Variants in MAP4K4 observed in about 807,000 individuals in gnomAD.
MAP4K4 encodes HPK/GCK-like kinase HGK.
Under a neutral mutation model 189.6 loss-of-function variants are expected in MAP4K4, and 38 were observed. That is an observed-to-expected ratio of 0.20 (90% CI 0.15 to 0.26). The LOEUF (loss-of-function observed/expected upper bound fraction) is 0.26. Among genes scored for constraint, MAP4K4 ranks in the 10% least tolerant of loss-of-function variants. MAP4K4 has a pLI of 1.00. For missense variants in MAP4K4, 1,054 were observed against 1,726.9 expected, an observed-to-expected ratio of 0.61 and a Z score of 6.91; for synonymous variants, 610 against 624.3, an observed-to-expected ratio of 0.98 and a Z score of 0.34.
intron 2 of MAP4K4, among the ~76,000 whole-genome samples, chr2:101,777,449 G>T (rs2084846208): frequency 6.6e-6 from 1 of 152,196 alleles, no homozygotes; most frequent in Non-Finnish European, 1.5e-5. Context: ...CACCTTCGGT[G>T]CCGGCTCATG....
intron 2 of MAP4K4, among the ~76,000 whole-genome samples, chr2:101,775,781 C>T (rs140317649): frequency 1.1e-3 from 163 of 152,306 alleles, no homozygotes; most frequent in Middle Eastern, 0.01. Context: ...CTCAGTGCCC[C>T]GTTCACGCTC....
chr2:101,776,539 A>G (rs536416619), intron 2 of MAP4K4, among the ~76,000 whole-genome samples: 1 of 151,196 alleles, frequency 6.6e-6, no homozygotes, highest in East Asian at 1.9e-4. Flanking sequence ...AATTTTTGGA[A>G]TGTTCAATTA....
At chr2:101,846,190 G>A (rs150956590) in intron 12 of MAP4K4, among the ~76,000 whole-genome samples, 37 of 152,308 alleles carry the variant, frequency 2.4e-4, no homozygotes, top group Non-Finnish European at 5.0e-4. Flanking sequence ...CAAATTCCTT[G>A]TGGTATTTTT....
intron 2 of MAP4K4, among the ~76,000 whole-genome samples, chr2:101,748,874 CAGAG>C (rs1458483249): frequency 2.1e-5 from 3 of 144,942 alleles, no homozygotes; most frequent in Middle Eastern, 3.4e-3. Flanking sequence ...AACAGACAAA[CAGAG>C]AGCCAAATCA....
intron 3 of MAP4K4, among the ~76,000 whole-genome samples, chr2:101,807,667 C>T (rs1310242109): frequency 6.6e-6 from 1 of 152,062 alleles, no homozygotes; most frequent in Non-Finnish European, 1.5e-5. Flanking sequence ...ATAGTGGCTT[C>T]TGCTTTTGGA....
At chr2:101,736,482 C>T (rs1272956946) in intron 2 of MAP4K4, among the ~76,000 whole-genome samples, 2 of 152,192 alleles carry the variant, frequency 1.3e-5, no homozygotes, top group Non-Finnish European at 2.9e-5. Context: ...GCACTTGGCA[C>T]AGTTGTGTTT....
intron 3 of MAP4K4, among the ~76,000 whole-genome samples, chr2:101,816,681 G>A (rs1265153141): frequency 1.3e-5 from 2 of 152,140 alleles, no homozygotes; most frequent in East Asian, 3.9e-4. Context: ...GGAAAGAGCC[G>A]ATACTAAGAA....
intron 18 of MAP4K4, 26 bp from the exon 19 acceptor site, chr2:101,866,402 T>C (rs375203490): frequency 7.5e-6 from 12 of 1,594,916 alleles, no homozygotes; most frequent in Non-Finnish European, 1.0e-5. Context: ...ACACATTAGC[T>C]GTTCTCTCTT....
intron 2 of MAP4K4, among the ~76,000 whole-genome samples, chr2:101,744,216 A>C (rs2064117527): frequency 6.6e-6 from 1 of 152,228 alleles, no homozygotes; most frequent in Non-Finnish European, 1.5e-5. Flanking sequence ...AAAAACCTAA[A>C]AAGAGAGGCG....
At chr2:101,871,313 T>A (rs1357857343) in intron 23 of MAP4K4, among the ~76,000 whole-genome samples, 181 bp from the exon 24 acceptor site, 1 of 152,218 alleles carries the variant, frequency 6.6e-6, no homozygotes, top group Non-Finnish European at 1.5e-5. Context: ...CTTTGAATTC[T>A]GTTGGCACAA....
intron 16 of MAP4K4, among the ~76,000 whole-genome samples, chr2:101,862,764 A>G (rs1259756913): frequency 2.0e-5 from 3 of 152,198 alleles, no homozygotes; most frequent in Admixed American, 1.3e-4. Flanking sequence ...ATCTCTGAAA[A>G]TCTTAAACAT....
At position 101,843,949 on chromosome 2, in the gene MAP4K4, T is replaced by C. The variant is rs147408564; in HGVS notation, c.1023-152T>C. 8.0e-3 allele frequency among the ~76,000 whole-genome samples: 1,225 copies of C among 152,314 alleles called. 2 individuals are homozygous for C. The highest frequency in any genetic ancestry group is 0.012 in the Non-Finnish European group (836 of 68,012). ...ATATGGGACTATTGAATTGTAGATA[T>C]AGTCATTTCTGTGGATGTATTAGTT... On this transcript the variant is annotated intron_variant, in intron 11 of 32. Transcript: ENST00000324219.
At chr2:101,769,512 G>A (rs544170763) in intron 2 of MAP4K4, among the ~76,000 whole-genome samples, 1 of 152,216 alleles carries the variant, frequency 6.6e-6, no homozygotes, top group South Asian at 2.1e-4. Context: ...TATTTGAAGT[G>A]AATTCAATTC....
At chr2:101,785,700 C>CCTTTTTTGAGTTGGAG (rs2090481957) in intron 2 of MAP4K4, among the ~76,000 whole-genome samples, 1 of 5,286 alleles carries the variant, frequency 1.9e-4, no homozygotes, top group Admixed American at 1.8e-3. Context: ...CTCTCTCTCT[C>CCTTTTTTGAGTTGGAG]TCTCTCTCTC....
intron 24 of MAP4K4, among the ~76,000 whole-genome samples, chr2:101,872,583 A>AG (rs2098075863): frequency 6.6e-6 from 1 of 152,198 alleles, no homozygotes; most frequent in Non-Finnish European, 1.5e-5. Flanking sequence ...AGAAAGAATC[A>AG]GAAAAATCCT....
intron 3 of MAP4K4, among the ~76,000 whole-genome samples, chr2:101,815,810 C>T (rs1042725338): frequency 7.9e-5 from 12 of 152,150 alleles, no homozygotes; most frequent in Admixed American, 3.3e-4. Flanking sequence ...ATCTAGCCAA[C>T]GGCAGGAGGC....
intron 3 of MAP4K4, among the ~76,000 whole-genome samples, chr2:101,801,188 T>A (rs1162459275): frequency 6.6e-6 from 1 of 152,176 alleles, no homozygotes; most frequent in Non-Finnish European, 1.5e-5. Flanking sequence ...TTCCCATTCT[T>A]GCTTCCATTC....
chr2:101,835,979 GTAAGCTATA>G lies in MAP4K4; in HGVS notation c.773+4_773+12del, dbSNP rs1392347244. 6.2e-7 allele frequency: 1 copy of G among 1,608,482 alleles called. No homozygotes were observed. Among genetic ancestry groups the G allele is most frequent in the Admixed American group, 1.7e-5 (1 of 60,002 alleles). On this transcript the variant is annotated splice_donor_variant and splice_donor_5th_base_variant and intron_variant, in intron 9 of 32. Transcript: ENST00000324219. LOFTEE classifies it high-confidence loss of function. ...CTCCCCGGCTGAAGTCAAAAAAATGGTAAGCTATATATGGTTTTTTGTTGTTCTTTTCCC... is the reference window on the plus strand; with the variant it reads ...CTCCCCGGCTGAAGTCAAAAAAATGGTATGGTTTTTTGTTGTTCTTTTCCC...
intron 12 of MAP4K4, among the ~76,000 whole-genome samples, chr2:101,844,686 C>T (rs908616769): frequency 6.6e-6 from 1 of 152,108 alleles, no homozygotes; most frequent in African/African-American, 2.4e-5. Context: ...TACTCTCAGC[C>T]TCTGGGTCCC....
Sources: gnomAD v4.1 joint callset for allele counts (sites outside exome capture counted in the v4.1 genomes callset) on GRCh38, gnomAD v4.1.1 for gene constraint, MANE v1.5 for transcripts, NCBI Gene and HGNC (gene_info 2026-07-23, HGNC 2026-07-21) for gene names.